The following GLUD1 variants were observed in gnomAD, a reference collection of about 807,000 sequenced individuals.
The protein encoded by GLUD1 is glutamate dehydrogenase 1, also known as glutamate dehydrogenase 1, mitochondrial.
Under a neutral mutation model 56.0 loss-of-function variants are expected in GLUD1, and 22 were observed. That is an observed-to-expected ratio of 0.39 (90% CI 0.28 to 0.56). The LOEUF (loss-of-function observed/expected upper bound fraction) is 0.56, where lower values mean the gene tolerates loss of function less well. GLUD1 is among the 20% of genes least tolerant of loss of function. GLUD1 has a pLI of 0.58. For synonymous variants in GLUD1, 223 were observed against 269.9 expected, an observed-to-expected ratio of 0.83 and a Z score of 1.70; for missense variants, 451 against 732.0, an observed-to-expected ratio of 0.62 and a Z score of 4.43.
intron 10 of GLUD1, 144 bp from the exon 11 acceptor site, chr10:87,057,926 A>G (rs1479600246): frequency 1.6e-6 from 1 of 632,628 alleles, no homozygotes; most frequent in Non-Finnish European, 2.8e-6. Context: ...TGGAGTGTAG[A>G]GGCGTGATCT....
At chr10:87,053,496 C>A (rs17107324) in intron 11 of GLUD1, 92 bp from the exon 12 acceptor site, 12,313 of 827,376 alleles carry the variant, frequency 0.015, 689 homozygotes, top group Admixed American at 0.14. Context: ...AGTCAATATA[C>A]AACCAGACAG....
At chr10:87,072,292 C>T (rs2133820096) in intron 4 of GLUD1, among the ~76,000 whole-genome samples, 1 of 152,260 alleles carries the variant, frequency 6.6e-6, no homozygotes, top group East Asian at 1.9e-4. Context: ...GGCAATACTC[C>T]ACAAATTAGT....
In GLUD1 at chr10:87,050,877, T is replaced by C. The variant is rs1194172851; in HGVS notation, c.*874A>G. The C allele has an allele frequency of 3.3e-5, 5 of 152,204 alleles. No homozygotes were observed. The highest frequency in any genetic ancestry group is 7.3e-5 in the Non-Finnish European group (5 of 68,036). 9.4% of individuals were successfully genotyped at this position (152,204 alleles called of 1,614,324 possible). On this transcript the variant is annotated 3_prime_UTR_variant, in exon 13 of 13. Coordinates refer to ENST00000277865, the MANE Select transcript of GLUD1 (RefSeq NM_005271.5). ...GAATTATTGTTTAATTAGTCAACCA[T>C]AGATCTTCAAAAGAGAACAATTAGT...
chr10:87,061,527 C>A (rs1442781656), intron 6 of GLUD1, among the ~76,000 whole-genome samples: 3 of 152,058 alleles, frequency 2.0e-5, no homozygotes, highest in Non-Finnish European at 4.4e-5. Flanking sequence ...CAATAAATGG[C>A]AGTGGTGTTA....
intron 1 of GLUD1, among the ~76,000 whole-genome samples, chr10:87,086,832 GAAAAAAAAAA>G (rs367807316): frequency 2.8e-3 from 197 of 70,450 alleles, no homozygotes; most frequent in African/African-American, 8.7e-3. Flanking sequence ...CCGTCTCAAA[GAAAAAAAAAA>G]AAAAAAAAAG....
chr10:87,065,549 TTTCC>T (rs1367847545), intron 5 of GLUD1, among the ~76,000 whole-genome samples: 1 of 152,140 alleles, frequency 6.6e-6, no homozygotes, highest in Admixed American at 6.6e-5. Context: ...GGTGAACAGT[TTTCC>T]TTCAAGTGAT....
chr10:87,068,060 C>G lies in GLUD1; in HGVS notation c.741+3G>C, dbSNP rs550525111. 1 of 1,568,254 alleles carries G rather than the reference C, an allele frequency of 6.4e-7. No individual in the cohort carries two copies. Among genetic ancestry groups the G allele is most frequent in the East Asian group, 2.2e-5 (1 of 44,688 alleles). ...AGCCTCGGGGCTTCCAGTGGGTACTCACATAGTGCCCTATGGTGCTGGCAT... is the reference window on the plus strand; with the variant it reads ...AGCCTCGGGGCTTCCAGTGGGTACTGACATAGTGCCCTATGGTGCTGGCAT... On this transcript the variant is annotated splice_donor_region_variant and intron_variant, in intron 5 of 12. Coordinates refer to ENST00000277865, the MANE Select transcript of GLUD1 (RefSeq NM_005271.5).
intron 1 of GLUD1, among the ~76,000 whole-genome samples, chr10:87,079,648 C>T (rs770749925): frequency 1.1e-4 from 16 of 152,120 alleles, no homozygotes; most frequent in African/African-American, 2.7e-4. Flanking sequence ...ATGGGTGTCA[C>T]GACTGCGAGG....
chr10:87,064,338 G>A (rs553480449), intron 5 of GLUD1, among the ~76,000 whole-genome samples: 88 of 152,222 alleles, frequency 5.8e-4, no homozygotes, highest in African/African-American at 2.0e-3. Flanking sequence ...CTATAAGCAC[G>A]GCCACGAGAA....
intron 1 of GLUD1, chr10:87,092,652 C>T: frequency 1.0e-6 from 1 of 972,858 alleles, no homozygotes; most frequent in African/African-American, 1.7e-5. Context: ...GAGAGCTGGG[C>T]ATCTGAAGAA....
At chr10:87,061,690 C>A (rs969223045) in intron 6 of GLUD1, among the ~76,000 whole-genome samples, 1 of 151,842 alleles carries the variant, frequency 6.6e-6, no homozygotes, top group African/African-American at 2.4e-5. Flanking sequence ...AATCTTGGCT[C>A]ACTGCAGCCT....
chr10:87,093,810 G>A (rs992112180), intron 1 of GLUD1: 6 of 711,996 alleles, frequency 8.4e-6, no homozygotes, highest in Admixed American at 2.4e-5. Flanking sequence ...TAATAAAACT[G>A]TCTAGATTTC....
intron 12 of GLUD1, among the ~76,000 whole-genome samples, chr10:87,053,125 T>C (rs751641536): frequency 6.9e-4 from 105 of 152,314 alleles, no homozygotes; most frequent in Non-Finnish European, 2.6e-4. Flanking sequence ...AAATCAGCCT[T>C]ATTATTTCTT....
At position 87,094,502 on chromosome 10, in the gene GLUD1, T is replaced by A; in HGVS notation, c.268A>T (p.Arg90Trp). ...IVEDKLVEDL[R>W]TRESEEQKRN... is the part of the protein sequence containing the mutation. Reference sequence around the variant, plus strand: ...TTCTGCTCCTCGCTCTCCCGGGTCCTCAGGTCCTCCACCAGCTTGTCCTCC... The same window carrying A: ...TTCTGCTCCTCGCTCTCCCGGGTCCACAGGTCCTCCACCAGCTTGTCCTCC... Residue 90 changes from arginine to tryptophan, a missense_variant, in exon 1 of 13, where the codon AGG (arginine) becomes TGG (tryptophan). Physicochemically the swap from Arg to Trp is moderately radical, Grantham distance 101 (BLOSUM62 -3). Around this residue, in one of 4 missense-constraint regions of GLUD1, gnomAD observed 158 missense variants for 189.7 expected, o/e 0.83. Coordinates refer to ENST00000277865, the MANE Select transcript of GLUD1 (RefSeq NM_005271.5). This position sits in a 1 kb window ranked among gnomAD's most constrained non-coding sequence, Gnocchi z 6.6. 1 of 1,613,436 alleles carries A rather than the reference T, an allele frequency of 6.2e-7. No individual in the cohort carries two copies. Among genetic ancestry groups the A allele is most frequent in the Non-Finnish European group, 8.5e-7 (1 of 1,179,964 alleles).
At chr10:87,070,321 C>T (rs1846196236) in intron 4 of GLUD1, among the ~76,000 whole-genome samples, 1 of 151,714 alleles carries the variant, frequency 6.6e-6, no homozygotes, top group East Asian at 1.9e-4. Flanking sequence ...AAAAAACCGG[C>T]TGGGCGCGGT....
At chr10:87,074,648 A>G (rs1196758266) in intron 3 of GLUD1, 34 bp from the exon 4 acceptor site, 1 of 1,236,004 alleles carries the variant, frequency 8.1e-7, no homozygotes. Flanking sequence ...AAAAGAAAAA[A>G]TTGATATAAA....
rs530861005 is a variant in GLUD1, at chr10:87,090,472, G to A, written c.445+3853C>T. Among the ~76,000 whole-genome samples, 7 of 152,278 alleles carry A rather than the reference G, an allele frequency of 4.6e-5. No individual in the cohort carries two copies. The East Asian group carries it at 1.2e-3, about 25-fold the overall frequency. ...AAACTTGCTAAATGGATTCATACAC[G>A]CAAGTGACAGAAAGACTGAAATCTG... is the stretch of plus-strand genomic sequence containing the variant. On this transcript the variant is annotated intron_variant, in intron 1 of 12. Coordinates refer to ENST00000277865, the MANE Select transcript of GLUD1 (RefSeq NM_005271.5).
intron 4 of GLUD1, among the ~76,000 whole-genome samples, chr10:87,071,351 A>AT (rs1001860466): frequency 3.3e-5 from 5 of 150,052 alleles, no homozygotes; most frequent in South Asian, 2.1e-4. Context: ...TGCCTGGCTA[A>AT]TTTTTTTTTA....
chr10:87,063,140 C>A (rs1490613211), intron 5 of GLUD1, among the ~76,000 whole-genome samples: 1 of 150,720 alleles, frequency 6.6e-6, no homozygotes, highest in East Asian at 2.0e-4. Flanking sequence ...ATGGTGAGAT[C>A]TTGGCTCATC....
Sources: gnomAD v4.1 joint callset for allele counts (sites outside exome capture counted in the v4.1 genomes callset) on GRCh38, gnomAD v4.1.1 for gene constraint, gnomAD v4.1.1 regional missense constraint, Gnocchi (gnomAD v3.1) non-coding constraint, MANE v1.5 for transcripts, NCBI Gene and HGNC (gene_info 2026-07-23, HGNC 2026-07-21) for gene names.